Variants in TANC2 observed in about 807,000 individuals in gnomAD.
TANC2 encodes protein TANC2.
TANC2 carries 26 observed loss-of-function variants against 210.5 expected under a neutral mutation model. The ratio of observed to expected loss-of-function variants is 0.12; its 90% confidence interval spans 0.09 to 0.17. The LOEUF (loss-of-function observed/expected upper bound fraction) is 0.17. Ranked by LOEUF, TANC2 falls within the 10% of genes least tolerant of loss-of-function variation. TANC2 has a pLI of 1.00. For missense variants in TANC2, 2,129 were observed against 2,608.9 expected (o/e 0.82, Z 4.01); for synonymous variants, 931 against 967.1 (o/e 0.96, Z 0.69).
chr17:63,013,518 T>G (rs188152409), intron 2 of TANC2, among the ~76,000 whole-genome samples: 9 of 152,096 alleles, frequency 5.9e-5, no homozygotes, highest in Non-Finnish European at 7.4e-5. Context: ...TCCTAGCACT[T>G]TGGGAGGCCG....
At position 63,229,092 on chromosome 17, in the gene TANC2, G is replaced by A. The variant is rs1201761716; in HGVS notation, c.770-8722G>A. On this transcript the variant is annotated intron_variant, in intron 7 of 27. Coordinates refer to ENST00000689528, the Ensembl canonical transcript of TANC2. ...GCATAAATGGTTCTTACTATTTTGAGATATGTTCCATCAATAGCTAGTTTA... is the reference window on the plus strand; with the variant it reads ...GCATAAATGGTTCTTACTATTTTGAAATATGTTCCATCAATAGCTAGTTTA... Among the ~76,000 whole-genome samples the A allele has an allele frequency of 2.0e-5, 3 of 152,134 alleles. No homozygotes were observed. The East Asian group carries it at 5.8e-4, about 29-fold the overall frequency.
intron 19 of TANC2, among the ~76,000 whole-genome samples, chr17:63,400,576 TTATAA>T (rs1201773788): frequency 2.6e-5 from 4 of 152,084 alleles, no homozygotes; most frequent in Admixed American, 6.5e-5. Context: ...TACAATATAA[TTATAA>T]TATTATAAAC....
intron 9 of TANC2, among the ~76,000 whole-genome samples, chr17:63,293,231 C>T (rs2044435061): frequency 6.6e-6 from 1 of 152,234 alleles, no homozygotes; most frequent in African/African-American, 2.4e-5. Flanking sequence ...GAAAAATGAG[C>T]TCCTACTATG....
intron 7 of TANC2, among the ~76,000 whole-genome samples, chr17:63,207,684 A>G (rs968790027): frequency 2.0e-5 from 3 of 152,186 alleles, no homozygotes; most frequent in Non-Finnish European, 4.4e-5. Context: ...TGCTCTTGCA[A>G]ATAGTGCTGC....
At chr17:63,259,943 A>G (rs1010044721) in intron 8 of TANC2, among the ~76,000 whole-genome samples, 2 of 152,186 alleles carry the variant, frequency 1.3e-5, no homozygotes, top group Non-Finnish European at 2.9e-5. Flanking sequence ...TTCTTACTGC[A>G]GAAAATATTT....
chr17:63,397,392 G>C (rs2048201115), intron 18 of TANC2, among the ~76,000 whole-genome samples: 1 of 152,170 alleles, frequency 6.6e-6, no homozygotes, highest in South Asian at 2.1e-4. Flanking sequence ...TAGCTAAACT[G>C]TGGTTGTAAC....
At chr17:63,069,776 T>G in intron 2 of TANC2, among the ~76,000 whole-genome samples, 1 of 152,220 alleles carries the variant, frequency 6.6e-6, no homozygotes, top group South Asian at 2.1e-4. Flanking sequence ...GATGTCTGTC[T>G]CAGGCATCTT....
chr17:63,120,939 T>C (rs983709429), intron 4 of TANC2: 2 of 150,726 alleles, frequency 1.3e-5, no homozygotes, highest in Admixed American at 6.7e-5. Context: ...GTGAATAGAA[T>C]ATAACAATTT....
chr17:63,054,076 A>G (rs1439692295), intron 2 of TANC2, among the ~76,000 whole-genome samples: 3 of 152,228 alleles, frequency 2.0e-5, no homozygotes, highest in South Asian at 2.1e-4. Flanking sequence ...ATTGCTACTT[A>G]CTAGTGGTGT....
At chr17:63,225,833 A>T (rs1432827656) in intron 7 of TANC2, among the ~76,000 whole-genome samples, 2 of 152,162 alleles carry the variant, frequency 1.3e-5, no homozygotes, top group Non-Finnish European at 2.9e-5. Context: ...GACACAGGAG[A>T]TCATGAATTT....
intron 7 of TANC2, among the ~76,000 whole-genome samples, chr17:63,230,208 TATTA>T (rs1211975849): frequency 6.6e-6 from 1 of 152,192 alleles, no homozygotes; most frequent in African/African-American, 2.4e-5. Flanking sequence ...CCATCCATTT[TATTA>T]ATTTTTTTCA....
At chr17:63,140,811 A>G (rs2039262304) in intron 4 of TANC2, among the ~76,000 whole-genome samples, 1 of 152,116 alleles carries the variant, frequency 6.6e-6, no homozygotes, top group South Asian at 2.1e-4. Flanking sequence ...TAGAGGCACC[A>G]TCTTGGCTCA....
intron 14 of TANC2, among the ~76,000 whole-genome samples, chr17:63,369,170 G>A (rs1015612601): frequency 2.6e-5 from 4 of 152,112 alleles, no homozygotes; most frequent in African/African-American, 7.2e-5. Flanking sequence ...GAATTTCTCA[G>A]AGGAATTAAT....
chr17:63,178,446 G>T (rs572822008), intron 5 of TANC2, among the ~76,000 whole-genome samples: 8 of 152,308 alleles, frequency 5.3e-5, no homozygotes, highest in African/African-American at 1.9e-4. Context: ...GTTTTGGAAG[G>T]ATGTGGAAGA....
intron 9 of TANC2, among the ~76,000 whole-genome samples, chr17:63,304,111 C>T (rs748959206): frequency 2.0e-5 from 3 of 152,090 alleles, no homozygotes; most frequent in Non-Finnish European, 4.4e-5. Flanking sequence ...ATCCTTCATC[C>T]AGTTCTGCGC....
chr17:63,208,492 ATTCTGTACCCT>A (rs2041790701), intron 7 of TANC2, among the ~76,000 whole-genome samples: 1 of 152,216 alleles, frequency 6.6e-6, no homozygotes, highest in Admixed American at 6.5e-5. Context: ...ATTCTCGGCT[ATTCTGTACCCT>A]TTCTTCTCCC....
At chr17:63,299,737 G>A (rs555411067) in intron 9 of TANC2, among the ~76,000 whole-genome samples, 3 of 151,978 alleles carry the variant, frequency 2.0e-5, no homozygotes, top group African/African-American at 7.3e-5. Context: ...TAGATTGCCT[G>A]TTCACTCTGA....
intron 5 of TANC2, among the ~76,000 whole-genome samples, chr17:63,183,823 C>G (rs2040876791): frequency 1.3e-5 from 2 of 152,266 alleles, no homozygotes; most frequent in South Asian, 4.1e-4. Flanking sequence ...TGAGACCATC[C>G]TGGCTAACAC....
intron 1 of TANC2, among the ~76,000 whole-genome samples, chr17:62,985,087 T>C (rs1049919274): frequency 6.6e-6 from 1 of 152,214 alleles, no homozygotes; most frequent in Non-Finnish European, 1.5e-5. Context: ...TAAATTCCCA[T>C]AGTTTTGGCT....
Sources: allele counts gnomAD v4.1 joint callset (sites outside exome capture counted in the v4.1 genomes callset), GRCh38; gene constraint gnomAD v4.1.1; transcripts MANE v1.5; gene names NCBI Gene and HGNC (gene_info 2026-07-23, HGNC 2026-07-21).